CATSPERB: variants seen among roughly 807,000 people sequenced by gnomAD.
The protein encoded by CATSPERB is catsper channel auxiliary subunit beta.
A neutral mutation model predicts 128.3 loss-of-function variants in CATSPERB; 93 were observed. That is an observed-to-expected ratio of 0.72 (90% CI 0.61 to 0.86). CATSPERB has a LOEUF of 0.86. Ranked by LOEUF, CATSPERB falls within the 40% of genes least tolerant of loss-of-function variation. The pLI, the probability that CATSPERB is intolerant of heterozygous loss-of-function variation, is 0.00. For synonymous variants in CATSPERB, 381 were observed against 448.8 expected, an observed-to-expected ratio of 0.85 and a Z score of 1.91; for missense variants, 1,153 against 1,329.5, an observed-to-expected ratio of 0.87 and a Z score of 2.06.
Position 91,672,939 on chromosome 14 carries a change from T to C in CATSPERB, c.1056A>G (p.Lys352=), listed in dbSNP as rs1437743047. ...PCLPHIFKGI[K]IFPTVLTFLV... The stretch of plus-strand genomic sequence containing the variant: ...GAAATGTTAGCACAGTTGGAAAAAT[T>C]TTTATTCCTTTAAAAATGTGAGGTA... The change falls in exon 13 of 27, where the codon AAA becomes AAG. Residue 352 remains lysine (K), a synonymous_variant. Coordinates refer to ENST00000256343, the MANE Select transcript of CATSPERB (RefSeq NM_024764.4). 3.1e-6 allele frequency: 5 copies of C among 1,603,508 alleles called. No homozygotes were observed. The highest frequency in any genetic ancestry group is 4.2e-6 in the Non-Finnish European group (5 of 1,177,748).
chr14:91,713,978 G>T (rs535476920), intron 5 of CATSPERB, among the ~76,000 whole-genome samples: 2 of 152,064 alleles, frequency 1.3e-5, no homozygotes, highest in Non-Finnish European at 2.9e-5. Flanking sequence ...TTTGTCCTAG[G>T]ATTCCAAGAC....
chr14:91,664,719 G>A (rs1362118865), intron 14 of CATSPERB, among the ~76,000 whole-genome samples: 2 of 152,228 alleles, frequency 1.3e-5, no homozygotes, highest in East Asian at 1.9e-4. Context: ...ATTTACATCT[G>A]TTTTAGCTAT....
At chr14:91,710,380 T>C (rs1159396672) in intron 5 of CATSPERB, 1 of 152,244 alleles carries the variant, frequency 6.6e-6, no homozygotes, top group East Asian at 1.9e-4. Flanking sequence ...CTGGATTCAG[T>C]TAAAATTCAC....
intron 10 of CATSPERB, among the ~76,000 whole-genome samples, chr14:91,688,883 A>ATGT (rs112921052): frequency 0.076 from 11,511 of 152,184 alleles, 629 homozygotes; most frequent in African/African-American, 0.14. Context: ...TTATTTAAAA[A>ATGT]TGTTCTCGTT....
At chr14:91,594,848 T>G (rs2065528166) in intron 22 of CATSPERB, among the ~76,000 whole-genome samples, 1 of 152,246 alleles carries the variant, frequency 6.6e-6, no homozygotes, top group African/African-American at 2.4e-5. Context: ...CTTATGTATG[T>G]AAATAGGTTG....
intron 22 of CATSPERB, chr14:91,603,451 G>T: frequency 1.3e-6 from 2 of 1,487,188 alleles, no homozygotes; most frequent in Non-Finnish European, 9.4e-7. Context: ...AGTTATACCA[G>T]ATGAGTGGGC....
chr14:91,589,487 A>G (rs1566694328), intron 24 of CATSPERB, 47 bp downstream of exon 24: 4 of 1,571,212 alleles, frequency 2.5e-6, no homozygotes, highest in Admixed American at 3.6e-5. Flanking sequence ...AACCAGTAAC[A>G]ATATTACTTA....
At chr14:91,692,343 C>G (rs556930358) in intron 9 of CATSPERB, among the ~76,000 whole-genome samples, 2 of 152,074 alleles carry the variant, frequency 1.3e-5, no homozygotes, top group Admixed American at 1.3e-4. Context: ...ATACAATCCC[C>G]GTCTACTTCT....
intron 7 of CATSPERB, among the ~76,000 whole-genome samples, chr14:91,693,709 C>T (rs1895510902): frequency 6.6e-6 from 1 of 152,176 alleles, no homozygotes; most frequent in African/African-American, 2.4e-5. Flanking sequence ...AAAATCAACC[C>T]TCTTAAGGTA....
intron 11 of CATSPERB, among the ~76,000 whole-genome samples, chr14:91,682,493 G>A (rs986641196): frequency 3.3e-5 from 5 of 152,152 alleles, no homozygotes; most frequent in Non-Finnish European, 7.3e-5. Context: ...GCAACTATAT[G>A]GCTGGGGTAG....
intron 26 of CATSPERB, among the ~76,000 whole-genome samples, chr14:91,582,340 C>T (rs1354571603): frequency 6.6e-6 from 1 of 152,218 alleles, no homozygotes; most frequent in Non-Finnish European, 1.5e-5. Flanking sequence ...CCCTAACCTA[C>T]CTGGCTTTCT....
chr14:91,700,455 T>A (rs1315434479), intron 7 of CATSPERB, among the ~76,000 whole-genome samples: 1 of 152,136 alleles, frequency 6.6e-6, no homozygotes, highest in Non-Finnish European at 1.5e-5. Flanking sequence ...TGCTCCTCAA[T>A]TTTTTGGGAA....
chr14:91,649,858 C>G (rs60598636), intron 15 of CATSPERB, among the ~76,000 whole-genome samples: 2 of 151,704 alleles, frequency 1.3e-5, no homozygotes, highest in Non-Finnish European at 2.9e-5. Context: ...TTCTGAGAGA[C>G]TCTCACTGTG....
At chr14:91,603,866 C>T (rs530291435) in intron 22 of CATSPERB, among the ~76,000 whole-genome samples, 4 of 152,122 alleles carry the variant, frequency 2.6e-5, no homozygotes, top group Non-Finnish European at 5.9e-5. Context: ...GGCCTCACCT[C>T]TAACACTGGG....
chr14:91,666,274 CG>C (rs924227193), intron 14 of CATSPERB, among the ~76,000 whole-genome samples: 3 of 152,200 alleles, frequency 2.0e-5, no homozygotes, highest in African/African-American at 7.2e-5. Context: ...GACATTAAAA[CG>C]GCTGCGGGGG....
At chr14:91,730,608 C>G (rs1896195286) in intron 1 of CATSPERB, among the ~76,000 whole-genome samples, 1 of 152,128 alleles carries the variant, frequency 6.6e-6, no homozygotes. Flanking sequence ...ACTGCTTTTG[C>G]TATTAGTAAT....
At chr14:91,726,742 A>C (rs1395249742) in intron 2 of CATSPERB, among the ~76,000 whole-genome samples, 1 of 152,216 alleles carries the variant, frequency 6.6e-6, no homozygotes, top group African/African-American at 2.4e-5. Flanking sequence ...GGACTCATTC[A>C]AGAGCCCAGA....
intron 22 of CATSPERB, among the ~76,000 whole-genome samples, chr14:91,595,554 G>T (rs142177028): frequency 1.5e-3 from 235 of 152,238 alleles, no homozygotes; most frequent in African/African-American, 5.4e-3. Context: ...TCCTCTTGAG[G>T]ATCCAAGATA....
chr14:91,583,568 A>G (rs1028722789), intron 26 of CATSPERB, among the ~76,000 whole-genome samples: 1 of 152,162 alleles, frequency 6.6e-6, no homozygotes, highest in Non-Finnish European at 1.5e-5. Flanking sequence ...TTCCCTTCTA[A>G]TCTTCTTCAA....
Sources: allele counts gnomAD v4.1 joint callset (sites outside exome capture counted in the v4.1 genomes callset), GRCh38; gene constraint gnomAD v4.1.1; transcripts MANE v1.5; gene names NCBI Gene and HGNC (gene_info 2026-07-23, HGNC 2026-07-21).